NRXN1: variants seen among roughly 807,000 people sequenced by gnomAD.
NRXN1 encodes the protein neurexin 1.
In NRXN1, 39 loss-of-function variants were observed where a neutral mutation model predicts 150.9. The ratio of observed to expected loss-of-function variants is 0.26; its 90% CI spans 0.20 to 0.34. NRXN1 has a LOEUF of 0.34. NRXN1 is among the 10% of genes least tolerant of loss of function. The probability of loss-of-function intolerance (pLI) is 1.00; values close to 1 mark genes in which losing one functional copy is unlikely to be tolerated. For missense variants in NRXN1, 1,815 were observed against 1,949.9 expected (o/e 0.93, Z 1.30); for synonymous variants, 924 against 757.0 (o/e 1.22, Z -3.62).
At chr2:50,027,156 A>G (rs1453906727) in intron 21 of NRXN1, among the ~76,000 whole-genome samples, 1 of 151,904 alleles carries the variant, frequency 6.6e-6, no homozygotes, top group Non-Finnish European at 1.5e-5. Context: ...TGTTGGGATT[A>G]CAGGCGTGAG....
intron 22 of NRXN1, among the ~76,000 whole-genome samples, chr2:49,939,421 C>A (rs1671590919): frequency 6.6e-6 from 1 of 152,200 alleles, no homozygotes; most frequent in African/African-American, 2.4e-5. Context: ...ATTAGCCCTC[C>A]TCCATCACAT....
intron 18 of NRXN1, among the ~76,000 whole-genome samples, chr2:50,142,947 C>A (rs1707483684): frequency 6.6e-6 from 1 of 151,816 alleles, no homozygotes; most frequent in African/African-American, 2.4e-5. Flanking sequence ...CCAGTCTGAA[C>A]TATCACCCTA....
At chr2:50,955,685 A>G (rs944617140) in intron 2 of NRXN1, among the ~76,000 whole-genome samples, 3 of 152,196 alleles carry the variant, frequency 2.0e-5, no homozygotes, top group Admixed American at 1.3e-4. Flanking sequence ...TTGAGATTGA[A>G]AGCAATTCTC....
intron 5 of NRXN1, among the ~76,000 whole-genome samples, chr2:50,799,748 G>GTTCA (rs1385744998): frequency 6.6e-6 from 1 of 152,102 alleles, no homozygotes; most frequent in Non-Finnish European, 1.5e-5. Flanking sequence ...AAGCTATGAT[G>GTTCA]TTCAGTAAGT....
chr2:50,150,425 A>G (rs2058629186), intron 18 of NRXN1, among the ~76,000 whole-genome samples: 1 of 151,788 alleles, frequency 6.6e-6, no homozygotes, highest in Non-Finnish European at 1.5e-5. Context: ...TTTTTTCTAC[A>G]TAAAATAAAG....
At chr2:50,394,274 G>A (rs1311692880) in intron 17 of NRXN1, among the ~76,000 whole-genome samples, 1 of 151,976 alleles carries the variant, frequency 6.6e-6, no homozygotes, top group Non-Finnish European at 1.5e-5. Context: ...TCTGACTCAT[G>A]TATCCATCTA....
intron 17 of NRXN1, among the ~76,000 whole-genome samples, chr2:50,358,389 G>A (rs1267622325): frequency 6.6e-6 from 1 of 152,228 alleles, no homozygotes; most frequent in Non-Finnish European, 1.5e-5. Flanking sequence ...CTCAAGCTTG[G>A]TGTGGGGAGG....
At chr2:50,439,287 A>C (rs1275093398) in intron 17 of NRXN1, among the ~76,000 whole-genome samples, 3 of 152,334 alleles carry the variant, frequency 2.0e-5, no homozygotes, top group East Asian at 1.9e-4. Context: ...ACATACAGTA[A>C]GCATAAGGTA....
chr2:50,794,963 G>A (rs1205687389), intron 5 of NRXN1, among the ~76,000 whole-genome samples: 1 of 151,982 alleles, frequency 6.6e-6, no homozygotes, highest in Admixed American at 6.6e-5. Flanking sequence ...ACCTACTTAG[G>A]TGTCAAATAA....
At chr2:50,188,912 GTT>G (rs1195154553) in intron 18 of NRXN1, among the ~76,000 whole-genome samples, 2 of 152,126 alleles carry the variant, frequency 1.3e-5, no homozygotes, top group Non-Finnish European at 2.9e-5. Flanking sequence ...CTCTTAAACT[GTT>G]TTTGGGAGTG....
chr2:50,751,976 G>A (rs894770198), intron 5 of NRXN1, among the ~76,000 whole-genome samples: 4 of 151,850 alleles, frequency 2.6e-5, no homozygotes, highest in Non-Finnish European at 5.9e-5. Flanking sequence ...TTATTGGATT[G>A]AGTAGCTATT....
rs200814948 is a variant in NRXN1, at chr2:49,921,983, G to T, written c.4485C>A (p.Asn1495Lys). The change falls in exon 23 of 23, where the codon AAC (asparagine) becomes AAA (lysine). Residue 1495 changes from asparagine (N) to lysine (K), a missense_variant. Physicochemically the swap from Asn to Lys is moderately conservative, Grantham distance 94 (BLOSUM62 0). This residue lies in a region of NRXN1 where 265 missense variants were observed against 307.1 expected (regional missense o/e 0.86). Coordinates refer to ENST00000401669, the MANE Select transcript of NRXN1 (RefSeq NM_001330078.2). ...CTTTATCCTTGTTTTTCTTATTTTTGTTGGAGCTTTTCGCACTGCTGGGTT... is the reference window on the plus strand; with the variant it reads ...CTTTATCCTTGTTTTTCTTATTTTTTTTGGAGCTTTTCGCACTGCTGGGTT... The part of the protein sequence containing the change: ...EKQPSSAKSS[N>K]KNKKNKDKEY... 2 of 1,613,954 alleles carry T rather than the reference G, an allele frequency of 1.2e-6. No homozygotes were observed. Among genetic ancestry groups the T allele is most frequent in the Admixed American group, 1.7e-5 (1 of 59,984 alleles).
chr2:50,177,283 G>A (rs2152806865), intron 18 of NRXN1, among the ~76,000 whole-genome samples: 1 of 152,106 alleles, frequency 6.6e-6, no homozygotes, highest in South Asian at 2.1e-4. Context: ...AGTTTCCAGT[G>A]TCTGTCATCT....
At chr2:50,770,809 A>C (rs941228513) in intron 5 of NRXN1, among the ~76,000 whole-genome samples, 25 of 152,082 alleles carry the variant, frequency 1.6e-4, no homozygotes, top group African/African-American at 4.8e-4. Context: ...TAAAGTAATT[A>C]GCTTAAATTT....
intron 5 of NRXN1, among the ~76,000 whole-genome samples, chr2:50,877,373 T>C (rs184574611): frequency 2.0e-4 from 30 of 152,028 alleles, no homozygotes; most frequent in Non-Finnish European, 3.2e-4. Context: ...GTAGAAAAGA[T>C]GGTAAGGAGA....
chr2:50,550,169 T>A (rs1303293061), intron 9 of NRXN1, among the ~76,000 whole-genome samples: 1 of 151,904 alleles, frequency 6.6e-6, no homozygotes, highest in Non-Finnish European at 1.5e-5. Context: ...ATGTTTGGTG[T>A]TTTTTTTCTC....
intron 5 of NRXN1, among the ~76,000 whole-genome samples, chr2:50,851,652 T>A (rs1468707826): frequency 6.6e-6 from 1 of 151,966 alleles, no homozygotes; most frequent in African/African-American, 2.4e-5. Flanking sequence ...CTTGTTAGTT[T>A]AAAATAAACG....
intron 22 of NRXN1, among the ~76,000 whole-genome samples, chr2:49,927,812 C>T (rs1172129394): frequency 6.6e-6 from 1 of 152,098 alleles, no homozygotes; most frequent in Admixed American, 6.5e-5. Flanking sequence ...CTCAAATTGT[C>T]ATTTTTATGA....
At chr2:50,718,234 ATATAAACATGGGTATG>A (rs1696119922) in intron 5 of NRXN1, among the ~76,000 whole-genome samples, 1 of 152,152 alleles carries the variant, frequency 6.6e-6, no homozygotes, top group African/African-American at 2.4e-5. Context: ...ATACAAACAC[ATATAAACATGGGTATG>A]TTGTTATATA....
Sources: gnomAD v4.1 joint callset for allele counts (sites outside exome capture counted in the v4.1 genomes callset) on GRCh38, gnomAD v4.1.1 for gene constraint, gnomAD v4.1.1 regional missense constraint, MANE v1.5 for transcripts, NCBI Gene and HGNC (gene_info 2026-07-23, HGNC 2026-07-21) for gene names.